The following IL23R variants were observed in gnomAD, a reference collection of about 807,000 sequenced individuals.
The protein encoded by IL23R is interleukin 23 receptor, also known as interleukin-23 receptor.
IL23R carries 34 observed loss-of-function variants against 56.9 expected under a neutral mutation model. The ratio of observed to expected loss-of-function variants is 0.60; its 90% CI spans 0.45 to 0.80. The LOEUF (loss-of-function observed/expected upper bound fraction) is 0.80, where lower values mean the gene tolerates loss of function less well. Ranked by LOEUF, IL23R falls within the 30% of genes least tolerant of loss-of-function variation. The pLI, the probability that IL23R is intolerant of heterozygous loss-of-function variation, is 0.00. For synonymous variants in IL23R, 230 were observed against 249.2 expected, an observed-to-expected ratio of 0.92 and a Z score of 0.73; for missense variants, 635 against 730.0, an observed-to-expected ratio of 0.87 and a Z score of 1.50.
intron 3 of IL23R, among the ~76,000 whole-genome samples, chr1:67,178,316 TTTG>T (rs1332062667): frequency 1.3e-5 from 2 of 152,180 alleles, no homozygotes; most frequent in African/African-American, 2.4e-5. Flanking sequence ...TGTAGTTCTC[TTTG>T]AAGAGGTCCT....
chr1:67,208,859 G>T (rs1649259910), intron 6 of IL23R, among the ~76,000 whole-genome samples: 1 of 152,158 alleles, frequency 6.6e-6, no homozygotes, highest in African/African-American at 2.4e-5. Flanking sequence ...CCAACAGCTT[G>T]AACCGTGCAC....
intron 3 of IL23R, 60 bp from the exon 4 acceptor site, chr1:67,182,776 T>C: frequency 6.2e-7 from 1 of 1,605,310 alleles, no homozygotes; most frequent in Non-Finnish European, 8.5e-7. Context: ...CCATCTTGGC[T>C]TGGGACCAGA....
intron 10 of IL23R, among the ~76,000 whole-genome samples, chr1:67,257,119 T>C (rs942742796): frequency 6.6e-6 from 1 of 152,218 alleles, no homozygotes; most frequent in African/African-American, 2.4e-5. Flanking sequence ...ATTCAAGATC[T>C]CCTTCTTTGC....
chr1:67,201,407 TAAA>T (rs58091786), intron 5 of IL23R, among the ~76,000 whole-genome samples: 1 of 132,616 alleles, frequency 7.5e-6, no homozygotes. Flanking sequence ...AACTCTTGTC[TAAA>T]AAAAAAAAAA....
intron 4 of IL23R, among the ~76,000 whole-genome samples, chr1:67,184,944 G>A (rs1393587673): frequency 6.6e-6 from 1 of 152,194 alleles, no homozygotes; most frequent in Non-Finnish European, 1.5e-5. Context: ...TAAGAGGCCT[G>A]AAAGAGAGCT....
chr1:67,255,476 G>T (rs956845384), intron 9 of IL23R, among the ~76,000 whole-genome samples: 2 of 151,954 alleles, frequency 1.3e-5, no homozygotes, highest in African/African-American at 2.4e-5. Flanking sequence ...GTCTCACTCT[G>T]TTGCCCAGAG....
chr1:67,258,842 C>T lies in IL23R; in HGVS notation c.1604C>T (p.Ser535Leu). The T allele has an allele frequency of 6.2e-7, 1 of 1,613,306 alleles. No homozygotes were observed. Among genetic ancestry groups the T allele is most frequent in the Non-Finnish European group, 8.5e-7 (1 of 1,179,502 alleles). ...QKHPNFAFSV[S>L]SVNSLSNTIF... ...CATCCTAATTTTGCTTTTTCTGTTT[C>T]AAGTGTGAATTCACTAAGCAACACA... The change falls in exon 11 of 11, where the codon TCA becomes TTA. Residue 535 changes from serine (S) to leucine (L), a missense_variant. Transcript: ENST00000347310.
chr1:67,238,467 T>C (rs531644214), intron 8 of IL23R, among the ~76,000 whole-genome samples: 1 of 152,282 alleles, frequency 6.6e-6, no homozygotes, highest in Admixed American at 6.5e-5. Flanking sequence ...TAATTATAGA[T>C]GCCTACACAG....
chr1:67,182,817 G>A lies in IL23R; in HGVS notation c.368-19G>A, dbSNP rs1247905717. ...TCGTATTTCTTACAGCACCTCCTAA[G>A]TGTTATGTTTTGTTGCAGATCCGCC... On this transcript the variant is annotated intron_variant, in intron 3 of 10. Coordinates refer to ENST00000347310, the MANE Select transcript of IL23R (RefSeq NM_144701.3). 11 of 1,613,568 alleles carry A rather than the reference G, an allele frequency of 6.8e-6. No homozygotes were observed. Among genetic ancestry groups the A allele is most frequent in the African/African-American group, 2.7e-5 (2 of 74,912 alleles).
intron 3 of IL23R, among the ~76,000 whole-genome samples, chr1:67,175,765 A>C (rs1277628749): frequency 6.6e-6 from 1 of 152,236 alleles, no homozygotes; most frequent in African/African-American, 2.4e-5. Context: ...ATAGTCTGCC[A>C]GAGTAGTAGA....
intron 3 of IL23R, among the ~76,000 whole-genome samples, chr1:67,171,883 C>T (rs1369143076): frequency 1.3e-5 from 2 of 152,144 alleles, no homozygotes; most frequent in African/African-American, 2.4e-5. Flanking sequence ...GGCTGGGGGG[C>T]CTCTGTCCCC....
rs114741135 is a variant in IL23R, at chr1:67,224,067, G to A, written c.955+4337G>A. ...TCATTTAGCCTCTACCATGTGCCAG[G>A]CATTTTTAGATCCTTGCAGAACCTC... is the stretch of plus-strand genomic sequence containing the variant. On this transcript the variant is annotated intron_variant, in intron 7 of 10. Transcript: ENST00000347310. 2.2e-3 allele frequency among the ~76,000 whole-genome samples: 335 copies of A among 152,224 alleles called. 1 individual carries two copies. The highest frequency in any genetic ancestry group is 3.3e-3 in the Non-Finnish European group (227 of 68,012).
intron 1 of IL23R, among the ~76,000 whole-genome samples, chr1:67,139,406 C>T (rs1010029240): frequency 6.6e-6 from 1 of 152,128 alleles, no homozygotes; most frequent in African/African-American, 2.4e-5. Context: ...ATGCCTCCAG[C>T]ACTCTCCCTG....
chr1:67,252,390 A>T (rs762712390), intron 9 of IL23R, among the ~76,000 whole-genome samples: 10 of 152,172 alleles, frequency 6.6e-5, no homozygotes, highest in Non-Finnish European at 1.5e-4. Flanking sequence ...CTCTAATTGG[A>T]TCCTAGCCTG....
Position 67,169,199 on chromosome 1 carries a change from A to G in IL23R, c.71-143A>G. The G allele has an allele frequency of 6.0e-6, 4 of 665,066 alleles. No individual in the cohort carries two copies. The East Asian group carries it at 1.1e-4, about 18-fold the overall frequency. 41.2% of individuals were successfully genotyped at this position (665,066 alleles called of 1,614,324 possible). On this transcript the variant is annotated intron_variant, in intron 2 of 10. Transcript: ENST00000347310. ...ACACTGTAATAGGCTAGTTTATGAA[A>G]AGATACATCTAGTCCTAAAACTGTT...
chr1:67,168,834 T>C (rs2102554880), intron 2 of IL23R, among the ~76,000 whole-genome samples: 1 of 152,300 alleles, frequency 6.6e-6, no homozygotes, highest in African/African-American at 2.4e-5. Context: ...AGGCTGACTC[T>C]AGTCTTGTGT....
intron 4 of IL23R, among the ~76,000 whole-genome samples, chr1:67,196,793 T>G (rs1349956817): frequency 6.6e-6 from 1 of 152,212 alleles, no homozygotes; most frequent in Non-Finnish European, 1.5e-5. Context: ...ATGCTTAACC[T>G]TCTTTAGTAA....
chr1:67,199,317 G>A (rs971363688), intron 4 of IL23R, among the ~76,000 whole-genome samples: 1 of 152,102 alleles, frequency 6.6e-6, no homozygotes, highest in Non-Finnish European at 1.5e-5. Flanking sequence ...TCTCTGTCCA[G>A]GAGGTTGGCC....
At chr1:67,219,008 T>C (rs1650062220) in intron 6 of IL23R, among the ~76,000 whole-genome samples, 1 of 151,504 alleles carries the variant, frequency 6.6e-6, no homozygotes, top group Admixed American at 6.6e-5. Context: ...CATAAATAAA[T>C]ATATATACAC....
Sources: gnomAD v4.1 joint callset for allele counts (sites outside exome capture counted in the v4.1 genomes callset) on GRCh38, gnomAD v4.1.1 for gene constraint, MANE v1.5 for transcripts, NCBI Gene and HGNC (gene_info 2026-07-23, HGNC 2026-07-21) for gene names.